FGGY: variants seen among roughly 807,000 people sequenced by gnomAD.
FGGY encodes the protein FGGY carbohydrate kinase domain-containing protein.
A neutral mutation model predicts 71.3 loss-of-function variants in FGGY; 72 were observed. The observed-to-expected ratio is 1.01, with a 90% confidence interval of 0.84 to 1.23. The LOEUF is 1.23. Among genes scored for constraint, FGGY ranks in the 50% most tolerant of loss-of-function variants. The probability of loss-of-function intolerance (pLI) is 0.00; values close to 1 mark genes in which losing one functional copy is unlikely to be tolerated. For synonymous variants in FGGY, 251 were observed against 250.3 expected (o/e 1.00, Z -0.02); for missense variants, 668 against 682.3 (o/e 0.98, Z 0.23).
At chr1:59,731,170 T>G (rs1211222738) in intron 14 of FGGY, among the ~76,000 whole-genome samples, 1 of 152,230 alleles carries the variant, frequency 6.6e-6, no homozygotes, top group Non-Finnish European at 1.5e-5. Flanking sequence ...TTGTTGTTCA[T>G]TTTCTTTAAG....
At chr1:59,370,308 G>A (rs941794373) in intron 4 of FGGY, among the ~76,000 whole-genome samples, 10 of 152,190 alleles carry the variant, frequency 6.6e-5, no homozygotes, top group African/African-American at 1.7e-4. Flanking sequence ...GGAAGAAAGC[G>A]ATGGAAGATG....
Position 59,663,013 on chromosome 1 carries a change from C to G in FGGY, c.1296+2720C>G, listed in dbSNP as rs566594783. 2.7e-5 allele frequency among the ~76,000 whole-genome samples: 4 copies of G among 147,240 alleles called. No individual in the cohort carries two copies. The South Asian group carries it at 6.7e-4, about 25-fold the overall frequency. ...GTGGTGTGATATTCCCCCTTTTGAG[C>G]ACATGCTAAGAGGAGGACATGAAGG... On this transcript the variant is annotated intron_variant, in intron 12 of 15. Transcript: ENST00000303721.
At chr1:59,348,481 A>G (rs2052579500) in intron 4 of FGGY, among the ~76,000 whole-genome samples, 1 of 152,184 alleles carries the variant, frequency 6.6e-6, no homozygotes, top group Non-Finnish European at 1.5e-5. Flanking sequence ...GGTTCCCATT[A>G]GAGATGGATG....
At chr1:59,522,406 T>C (rs889840248) in intron 7 of FGGY, among the ~76,000 whole-genome samples, 1 of 152,200 alleles carries the variant, frequency 6.6e-6, no homozygotes. Flanking sequence ...ATCTATTTTA[T>C]GGATGAGAAA....
intron 4 of FGGY, among the ~76,000 whole-genome samples, chr1:59,374,044 T>C (rs2058206547): frequency 6.6e-6 from 1 of 152,172 alleles, no homozygotes; most frequent in African/African-American, 2.4e-5. Flanking sequence ...AAAGCCAGAA[T>C]TGACAAATGG....
rs907752428 is a variant in FGGY at position 59,434,545 on chromosome 1, C to T, written c.555-22416C>T. Among the ~76,000 whole-genome samples, 9 of 152,174 alleles carry T rather than the reference C, an allele frequency of 5.9e-5. 1 individual carries two copies. The highest frequency in any genetic ancestry group is 3.9e-4 in the Admixed American group (6 of 15,280). ...CAGCTGTCTTAGTCATTTTGGGCTG[C>T]TATTAAAAAATGCCATAGACTGGGT... On this transcript the variant is annotated intron_variant, in intron 5 of 15. Transcript: ENST00000303721.
chr1:59,441,942 T>C (rs1052045366), intron 5 of FGGY, among the ~76,000 whole-genome samples: 2 of 152,208 alleles, frequency 1.3e-5, no homozygotes, highest in African/African-American at 4.8e-5. Context: ...GTCCACCTGG[T>C]GAACTCCTAC....
intron 5 of FGGY, among the ~76,000 whole-genome samples, chr1:59,417,180 C>T (rs1257679569): frequency 2.0e-5 from 3 of 152,138 alleles, no homozygotes; most frequent in African/African-American, 2.4e-5. Flanking sequence ...TATGGATTTT[C>T]CTGGACATTT....
At chr1:59,428,534 A>G (rs1356552475) in intron 5 of FGGY, among the ~76,000 whole-genome samples, 3 of 152,256 alleles carry the variant, frequency 2.0e-5, no homozygotes, top group South Asian at 4.1e-4. Context: ...TGAGAGATTC[A>G]TTAATGCCTC....
intron 5 of FGGY, among the ~76,000 whole-genome samples, chr1:59,431,996 T>C (rs987117192): frequency 6.6e-6 from 1 of 152,154 alleles, no homozygotes; most frequent in South Asian, 2.1e-4. Context: ...AGAAAGACCA[T>C]GTGATGGATA....
chr1:59,533,663 C>T (rs923125929), intron 7 of FGGY, among the ~76,000 whole-genome samples: 2 of 152,202 alleles, frequency 1.3e-5, no homozygotes, highest in Non-Finnish European at 2.9e-5. Context: ...AACGGGCAGA[C>T]TGCCTCCTTA....
chr1:59,360,229 G>C (rs1463131728), intron 4 of FGGY, among the ~76,000 whole-genome samples: 4 of 151,888 alleles, frequency 2.6e-5, no homozygotes, highest in Non-Finnish European at 5.9e-5. Flanking sequence ...GGAACAACTG[G>C]TGCGTGTAAG....
chr1:59,338,898 T>C (rs1295577710), intron 2 of FGGY, among the ~76,000 whole-genome samples: 1 of 152,164 alleles, frequency 6.6e-6, no homozygotes, highest in African/African-American at 2.4e-5. Flanking sequence ...GTTAGAATAA[T>C]CTCCAAGAAG....
intron 7 of FGGY, among the ~76,000 whole-genome samples, chr1:59,534,033 G>A (rs919274526): frequency 6.6e-6 from 1 of 152,202 alleles, no homozygotes; most frequent in Non-Finnish European, 1.5e-5. Context: ...AAATTACTCC[G>A]AGCTACGGGA....
intron 9 of FGGY, among the ~76,000 whole-genome samples, chr1:59,612,759 G>A (rs1425241455): frequency 9.2e-5 from 14 of 152,116 alleles, no homozygotes; most frequent in East Asian, 3.8e-4. Context: ...CCCATCTCAC[G>A]TGCGGAGACA....
chr1:59,653,893 G>C (rs1048869520), intron 11 of FGGY, among the ~76,000 whole-genome samples: 5 of 152,158 alleles, frequency 3.3e-5, no homozygotes, highest in Admixed American at 2.6e-4. Flanking sequence ...TGTGTCGCTT[G>C]ACTGACTCCT....
At chr1:59,519,405 C>T (rs2094758915) in intron 7 of FGGY, among the ~76,000 whole-genome samples, 3 of 152,066 alleles carry the variant, frequency 2.0e-5, no homozygotes, top group Non-Finnish European at 2.9e-5. Context: ...TAAACAGTTA[C>T]GGTTACTTGT....
intron 10 of FGGY, chr1:59,626,332 T>C (rs921159886): frequency 2.7e-4 from 89 of 326,186 alleles, no homozygotes; most frequent in Non-Finnish European, 4.7e-4. Context: ...CAAAACTTCT[T>C]AGTTTCACAT....
At chr1:59,492,066 C>G (rs1026049339) in intron 6 of FGGY, among the ~76,000 whole-genome samples, 1 of 152,030 alleles carries the variant, frequency 6.6e-6, no homozygotes, top group Admixed American at 6.6e-5. Flanking sequence ...TGTTTGAGAG[C>G]CAGTTATCAG....
Sources: allele counts gnomAD v4.1 joint callset (sites outside exome capture counted in the v4.1 genomes callset), GRCh38; gene constraint gnomAD v4.1.1; transcripts MANE v1.5; gene names NCBI Gene and HGNC (gene_info 2026-07-23, HGNC 2026-07-21).